The following TPRG1 variants were observed in gnomAD, a reference collection of about 807,000 sequenced individuals.
The protein encoded by TPRG1 is tumor protein p63 regulated 1, also known as tumor protein p63-regulated gene 1 protein.
Under a neutral mutation model 29.3 loss-of-function variants are expected in TPRG1, and 29 were observed. That is an observed-to-expected ratio of 0.99 (90% CI 0.74 to 1.35). The LOEUF is 1.35. Ranked by LOEUF, TPRG1 falls within the 40% of genes most tolerant of loss-of-function variation. The probability of loss-of-function intolerance (pLI) is 0.00; values close to 1 mark genes in which losing one functional copy is unlikely to be tolerated. For synonymous variants in TPRG1, 130 were observed against 116.8 expected, an observed-to-expected ratio of 1.11 and a Z score of -0.73; for missense variants, 327 against 335.0, an observed-to-expected ratio of 0.98 and a Z score of 0.19.
chr3:189,255,397 T>A (rs751169450), intron 4 of TPRG1, among the ~76,000 whole-genome samples: 1 of 152,200 alleles, frequency 6.6e-6, no homozygotes, highest in Non-Finnish European at 1.5e-5. Context: ...TGGATAATCT[T>A]TTTGATGTGC....
At chr3:189,286,510 C>T (rs1419714178) in intron 4 of TPRG1, among the ~76,000 whole-genome samples, 1 of 152,022 alleles carries the variant, frequency 6.6e-6, no homozygotes, top group African/African-American at 2.4e-5. Context: ...TTTCATATTA[C>T]CTCCTACTTC....
At chr3:189,097,692 G>A (rs547066240), upstream of TPRG1, among the ~76,000 whole-genome samples, 1 of 152,076 alleles carries the variant, frequency 6.6e-6, no homozygotes, top group African/African-American at 2.4e-5. Context: ...CCTGATTTGG[G>A]TTCACTTCCT....
chr3:189,126,533 C>T (rs932717038), intron 1 of TPRG1, among the ~76,000 whole-genome samples: 3 of 152,150 alleles, frequency 2.0e-5, no homozygotes, highest in Admixed American at 6.5e-5. Flanking sequence ...GTGTATGAGG[C>T]TTTCTGATTT....
chr3:189,152,364 G>A (rs989171424), intron 5 of TPRG1, among the ~76,000 whole-genome samples: 1 of 152,154 alleles, frequency 6.6e-6, no homozygotes, highest in South Asian at 2.1e-4. Context: ...TTGGCCAGAG[G>A]CAGATTCTAC....
chr3:189,226,797 CAAAAAA>C (rs1175619202), intron 3 of TPRG1, among the ~76,000 whole-genome samples: 2 of 81,760 alleles, frequency 2.4e-5, no homozygotes, highest in African/African-American at 4.5e-5. Context: ...GCAAGGCTGA[CAAAAAA>C]AAAAAAAAAG....
intron 1 of TPRG1, among the ~76,000 whole-genome samples, chr3:189,103,925 C>A (rs1305135273): frequency 6.6e-6 from 1 of 152,142 alleles, no homozygotes; most frequent in Non-Finnish European, 1.5e-5. Context: ...ATTGATGAGC[C>A]TTTATCCTGA....
At chr3:189,107,331 G>A (rs1160579526) in intron 1 of TPRG1, among the ~76,000 whole-genome samples, 1 of 152,108 alleles carries the variant, frequency 6.6e-6, no homozygotes, top group Non-Finnish European at 1.5e-5. Context: ...ATCTGAACAC[G>A]TTTATATATG....
At chr3:189,306,836 A>T (rs1721706197) in intron 4 of TPRG1, among the ~76,000 whole-genome samples, 1 of 129,702 alleles carries the variant, frequency 7.7e-6, no homozygotes, top group Non-Finnish European at 1.7e-5. Context: ...AATTATTGTG[A>T]CCTACAGATC....
chr3:189,226,466 A>C (rs1737736063), intron 3 of TPRG1, among the ~76,000 whole-genome samples: 1 of 152,124 alleles, frequency 6.6e-6, no homozygotes, highest in South Asian at 2.1e-4. Flanking sequence ...AATTACATTA[A>C]ACTGAATGAA....
chr3:189,032,193 G>A (rs1713968425), intron 4 of TPRG1, among the ~76,000 whole-genome samples: 1 of 152,142 alleles, frequency 6.6e-6, no homozygotes, highest in African/African-American at 2.4e-5. Context: ...ATGAGAGAGG[G>A]AGGAGGCGCA....
At chr3:189,176,183 G>A (rs1025364508) in intron 1 of TPRG1, among the ~76,000 whole-genome samples, 4 of 152,174 alleles carry the variant, frequency 2.6e-5, no homozygotes, top group Non-Finnish European at 4.4e-5. Context: ...TCATTTTCAT[G>A]TGTATGATTG....
intron 4 of TPRG1, among the ~76,000 whole-genome samples, chr3:189,251,940 C>G (rs1268084720): frequency 6.6e-6 from 1 of 152,136 alleles, no homozygotes; most frequent in African/African-American, 2.4e-5. Context: ...GGCTGGGGGA[C>G]GGTCAGGTCT....
intron 5 of TPRG1, among the ~76,000 whole-genome samples, chr3:189,158,628 TAAGTA>T (rs1400573368): frequency 1.4e-4 from 22 of 151,848 alleles, no homozygotes; most frequent in African/African-American, 5.3e-4. Flanking sequence ...AAAAAAATAA[TAAGTA>T]AATAAATAAA....
chr3:189,273,676 C>T (rs988735012), intron 4 of TPRG1, among the ~76,000 whole-genome samples: 2 of 152,182 alleles, frequency 1.3e-5, no homozygotes, highest in Admixed American at 1.3e-4. Flanking sequence ...AGCTCTGGCC[C>T]AGTATTTCCT....
intron 4 of TPRG1, among the ~76,000 whole-genome samples, chr3:189,088,297 C>G (rs1578324455): frequency 2.0e-5 from 3 of 150,586 alleles, no homozygotes; most frequent in African/African-American, 7.5e-5. Flanking sequence ...TGATTTGGCT[C>G]TCTGTTTGTC....
chr3:189,108,149 A>G (rs1445677862), intron 1 of TPRG1, among the ~76,000 whole-genome samples: 2 of 152,134 alleles, frequency 1.3e-5, no homozygotes, highest in South Asian at 4.1e-4. Context: ...ACCAGCAAAT[A>G]TGGGGCTTTA....
chr3:189,284,539 AT>A (rs1269905672), intron 4 of TPRG1, among the ~76,000 whole-genome samples: 1 of 151,932 alleles, frequency 6.6e-6, no homozygotes, highest in Non-Finnish European at 1.5e-5. Context: ...TGAACTCATC[AT>A]TTTTTATGGC....
intron 4 of TPRG1, among the ~76,000 whole-genome samples, chr3:189,239,134 A>G (rs1195861588): frequency 6.6e-6 from 1 of 152,202 alleles, no homozygotes; most frequent in Admixed American, 6.5e-5. Context: ...TCATAAAGAC[A>G]TACCCCAAAC....
intron 4 of TPRG1, among the ~76,000 whole-genome samples, chr3:189,044,125 C>G (rs1338729810): frequency 2.0e-5 from 3 of 151,986 alleles, no homozygotes; most frequent in East Asian, 3.9e-4. Flanking sequence ...TTCATCTCCT[C>G]AAAGAATAGT....
Sources: allele counts gnomAD v4.1 joint callset (sites outside exome capture counted in the v4.1 genomes callset), GRCh38; gene constraint gnomAD v4.1.1; transcripts MANE v1.5; gene names NCBI Gene and HGNC (gene_info 2026-07-23, HGNC 2026-07-21).